The following ZNF74 variants were observed in gnomAD, a reference collection of about 807,000 sequenced individuals.
ZNF74 encodes zinc finger protein 520.
In ZNF74, 12 loss-of-function variants were observed where a neutral mutation model predicts 17.7. That is an observed-to-expected ratio of 0.68 (90% CI 0.43 to 1.10). The LOEUF is 1.10. ZNF74 is among the 50% of genes least tolerant of loss of function. The pLI is 0.00. For missense variants in ZNF74, 811 were observed against 881.0 expected (o/e 0.92, Z 1.01); for synonymous variants, 358 against 362.1 (o/e 0.99, Z 0.13).
chr22:20,400,215 A>G (rs980863080), intron 2 of ZNF74: 1 of 184,448 alleles, frequency 5.4e-6, no homozygotes, highest in African/African-American at 2.4e-5. Context: ...CTTTTGCGTT[A>G]CTGAGCTTTG....
At position 20,405,573 on chromosome 22, in the gene ZNF74, C is replaced by A; in HGVS notation, c.540C>A (p.Pro180=). Residue 180 remains proline, a synonymous_variant, in exon 5 of 5, where the codon CCC becomes CCA. Coordinates refer to ENST00000400451, the MANE Select transcript of ZNF74 (RefSeq NM_003426.4). ...MVWDVPVEEF[P]LRCPLFAQQR... ...GGGACGTCCCTGTAGAGGAATTCCC[C>A]CTCAGGTGTCCCCTCTTCGCCCAGC... The A allele has an allele frequency of 1.2e-6, 2 of 1,611,358 alleles. No homozygotes were observed. The highest frequency in any genetic ancestry group is 1.1e-5 in the South Asian group (1 of 90,792).
Position 20,401,984 on chromosome 22 carries a change from T to C in ZNF74, c.343+612T>C, listed in dbSNP as rs1601275143. Among the ~76,000 whole-genome samples the C allele has an allele frequency of 1.3e-5, 2 of 151,596 alleles. No individual in the cohort carries two copies. The highest frequency in any genetic ancestry group is 4.2e-4 in the South Asian group (2 of 4,784). ...CTCCGTAAGGGAAAGGGGACTGGGG[T>C]GGGTGTTGAGCAGAAGGTAGTCTGC... On this transcript the variant is annotated intron_variant, in intron 4 of 4. Transcript: ENST00000400451. This position sits in a 1 kb window ranked among gnomAD's most constrained non-coding sequence, Gnocchi z 4.2.
chr22:20,402,796 C>A (rs2052373022), intron 4 of ZNF74, among the ~76,000 whole-genome samples: 2 of 80,526 alleles, frequency 2.5e-5, no homozygotes, highest in African/African-American at 4.6e-5. Flanking sequence ...AGTGAAATTC[C>A]ATCTCAAAAA....
Position 20,405,357 on chromosome 22 carries a change from T to C in ZNF74, c.344-20T>C, listed in dbSNP as rs746157932. 6.3e-7 allele frequency: 1 copy of C among 1,576,912 alleles called. No homozygotes were observed. Among genetic ancestry groups the C allele is most frequent in the East Asian group, 2.2e-5 (1 of 44,562 alleles). On this transcript the variant is annotated intron_variant, in intron 4 of 4. Transcript: ENST00000400451. The stretch of plus-strand genomic sequence containing the variant: ...CAGGTTTCCGCTTGCTCACAGAAAA[T>C]CATTTTCAATATCTTACAGAATGGG...
At chr22:20,395,040 A>G in intron 1 of ZNF74, 1 of 454,836 alleles carries the variant, frequency 2.2e-6, no homozygotes, top group Non-Finnish European at 3.9e-6. Flanking sequence ...GGCGTGAGCC[A>G]TCGCTCCTGG....
chr22:20,405,267 GCCTCT>G, intron 4 of ZNF74, 105 bp from the exon 5 acceptor site: 1 of 1,198,130 alleles, frequency 8.3e-7, no homozygotes, highest in South Asian at 1.5e-5. Flanking sequence ...GGCCCTGGTG[GCCTCT>G]CCTCTCTTTT....
At chr22:20,397,965 G>A (rs1298093013) in intron 2 of ZNF74, among the ~76,000 whole-genome samples, 1 of 152,150 alleles carries the variant, frequency 6.6e-6, no homozygotes, top group Non-Finnish European at 1.5e-5. Context: ...GAGGACACCA[G>A]TTATATTGGA....
intron 2 of ZNF74, 54 bp from the exon 3 acceptor site, chr22:20,400,578 T>C (rs1485242674): frequency 6.2e-7 from 1 of 1,610,886 alleles, no homozygotes; most frequent in Non-Finnish European, 8.5e-7. Flanking sequence ...TCTGGCTCCT[T>C]TGGAACCATG....
In ZNF74 at chr22:20,400,683, G is replaced by T; in HGVS notation, c.172G>T (p.Gly58Cys). ...TGTGGACTTCACCCAGGAGGAGTGG[G>T]GTCAACTAGACTCCCCTCAGAGGGC... is the stretch of plus-strand genomic sequence containing the variant. ...VAVDFTQEEWGQLDSPQRALY... is the reference protein window; with the variant it reads ...VAVDFTQEEWCQLDSPQRALY... The change falls in exon 3 of 5, where the codon GGT becomes TGT. Residue 58 changes from glycine to cysteine, a missense_variant. This residue lies in a region of ZNF74 where 666 missense variants were observed against 702.3 expected (regional missense o/e 0.95). Transcript: ENST00000400451. The T allele has an allele frequency of 5.0e-6, 8 of 1,613,960 alleles. No homozygotes were observed. Among genetic ancestry groups the T allele is most frequent in the Non-Finnish European group, 6.8e-6 (8 of 1,179,834 alleles).
intron 2 of ZNF74, among the ~76,000 whole-genome samples, chr22:20,396,101 G>T (rs1177182404): frequency 6.6e-6 from 1 of 151,996 alleles, no homozygotes; most frequent in Non-Finnish European, 1.5e-5. Flanking sequence ...TATTTAGAAG[G>T]GTGCAGTTGA....
intron 2 of ZNF74, 124 bp downstream of exon 2, chr22:20,395,542 T>G (rs1212885832): frequency 9.0e-6 from 6 of 664,852 alleles, no homozygotes; most frequent in African/African-American, 1.8e-5. Context: ...CAGGAAGCTC[T>G]GGGCAGTGGG....
intron 4 of ZNF74, among the ~76,000 whole-genome samples, chr22:20,402,582 A>G (rs1156700360): frequency 1.3e-5 from 2 of 152,080 alleles, no homozygotes; most frequent in Admixed American, 1.3e-4. Context: ...CAGGCAGATC[A>G]CCTGAGGTCA....
At position 20,405,477 on chromosome 22, in the gene ZNF74, G is replaced by A. The variant is rs763591814; in HGVS notation, c.444G>A (p.Ala148=). 34 of 1,609,288 alleles carry A rather than the reference G, an allele frequency of 2.1e-5. No individual in the cohort carries two copies. In the Middle Eastern group the frequency reaches 6.7e-4, roughly 32 times the overall value. Residue 148 remains alanine, a synonymous_variant, in exon 5 of 5, where the codon GCG becomes GCA. Coordinates refer to ENST00000400451, the MANE Select transcript of ZNF74 (RefSeq NM_003426.4). ...AGCGGCCCCTCGGCGGGGCGCAGGC[G>A]TGGGGGCGCCAGGCAGGTGCTCTGC... ...IMERPLGGAQ[A]WGRQAGALQR...
At chr22:20,402,503 C>CTT (rs56834439) in intron 4 of ZNF74, among the ~76,000 whole-genome samples, 21,987 of 151,932 alleles carry the variant, frequency 0.14, 2,646 homozygotes, top group African/African-American at 0.34. Context: ...TGCGGATAGA[C>CTT]TTCTAAAGCT....
chr22:20,405,699 C>T lies in ZNF74; in HGVS notation c.666C>T (p.Asn222=), dbSNP rs772866384. 6.2e-7 allele frequency: 1 copy of T among 1,605,276 alleles called. No individual in the cohort carries two copies. Among genetic ancestry groups the T allele is most frequent in the Non-Finnish European group, 8.5e-7 (1 of 1,176,160 alleles). Residue 222 remains asparagine, a synonymous_variant, in exon 5 of 5, where the codon AAC becomes AAT. Coordinates refer to ENST00000400451, the MANE Select transcript of ZNF74 (RefSeq NM_003426.4). The part of the protein sequence containing the change: ...KAPARLCAGE[N]ASTPSEPEKF... ...CCGCGAGACTGTGTGCAGGGGAAAA[C>T]GCCTCCACGCCAAGTGAGCCAGAAA...
At chr22:20,402,051 T>G (rs1365408690) in intron 4 of ZNF74, among the ~76,000 whole-genome samples, 1 of 152,228 alleles carries the variant, frequency 6.6e-6, no homozygotes, top group African/African-American at 2.4e-5. Context: ...CTCTTCTGAG[T>G]TGGTTGATAA....
At chr22:20,404,385 G>A (rs979149411) in intron 4 of ZNF74, among the ~76,000 whole-genome samples, 25 of 152,128 alleles carry the variant, frequency 1.6e-4, no homozygotes, top group Middle Eastern at 3.4e-3. Flanking sequence ...GCTGGGGTGC[G>A]GTTGCATGAT....
rs1471708680 is a variant in ZNF74, at chr22:20,406,827, G to T, written c.1794G>T (p.Val598=). 6.8e-6 allele frequency: 11 copies of T among 1,613,978 alleles called. No individual in the cohort carries two copies. The highest frequency in any genetic ancestry group is 1.7e-5 in the Admixed American group (1 of 60,012). The change falls in exon 5 of 5, where the codon GTG becomes GTT. Residue 598 remains valine, a synonymous_variant. Transcript: ENST00000400451. ...FNKHLLSTYY[V]PGSLLGAGDA... is the part of the protein sequence containing the mutation. ...AACACCTGCTCAGCACATACTACGT[G>T]CCTGGCAGCCTGCTGGGTGCAGGGG... is the stretch of plus-strand genomic sequence containing the variant.
chr22:20,405,032 G>A (rs2052397751), intron 4 of ZNF74, among the ~76,000 whole-genome samples: 2 of 152,312 alleles, frequency 1.3e-5, no homozygotes, highest in African/African-American at 4.8e-5. Flanking sequence ...CAGCCGACGT[G>A]TCCGTGAATG....
Sources: gnomAD v4.1 joint callset for allele counts (sites outside exome capture counted in the v4.1 genomes callset) on GRCh38, gnomAD v4.1.1 for gene constraint, gnomAD v4.1.1 regional missense constraint, Gnocchi (gnomAD v3.1) non-coding constraint, MANE v1.5 for transcripts, NCBI Gene and HGNC (gene_info 2026-07-23, HGNC 2026-07-21) for gene names.